FMN2: variants seen among roughly 807,000 people sequenced by gnomAD.
FMN2 encodes formin 2.
In FMN2, 51 loss-of-function variants were observed where a neutral mutation model predicts 142.3. That is an observed-to-expected ratio of 0.36 (90% CI 0.29 to 0.45). The LOEUF (loss-of-function observed/expected upper bound fraction) is 0.45, where lower values mean the gene tolerates loss of function less well. Ranked by LOEUF, FMN2 falls within the 20% of genes least tolerant of loss-of-function variation. The pLI is 1.00. For missense variants in FMN2, 1,936 were observed against 2,122.8 expected, an observed-to-expected ratio of 0.91 and a Z score of 1.73; for synonymous variants, 882 against 869.8, an observed-to-expected ratio of 1.01 and a Z score of -0.25.
chr1:240,386,986 A>G (rs1673427064), intron 14 of FMN2, among the ~76,000 whole-genome samples: 1 of 152,216 alleles, frequency 6.6e-6, no homozygotes. Context: ...GCAGATCTCT[A>G]GCATTTGAGA....
At chr1:240,434,867 T>A (rs1469813914) in intron 15 of FMN2, among the ~76,000 whole-genome samples, 1 of 151,694 alleles carries the variant, frequency 6.6e-6, no homozygotes, top group African/African-American at 2.4e-5. Context: ...TTTTTTTTTT[T>A]AAAGTATTTA....
At chr1:240,216,117 C>T (rs1005173933) in intron 6 of FMN2, among the ~76,000 whole-genome samples, 4 of 152,162 alleles carry the variant, frequency 2.6e-5, no homozygotes, top group Admixed American at 6.5e-5. Context: ...CATAAGCTTC[C>T]GTAAGCAGTA....
chr1:240,300,886 TA>T (rs1670175301), intron 8 of FMN2, among the ~76,000 whole-genome samples: 1 of 144,968 alleles, frequency 6.9e-6, no homozygotes, highest in African/African-American at 2.6e-5. Context: ...TTTTGATACT[TA>T]CTGTGTGCAT....
chr1:240,428,146 GT>G (rs1426445883), intron 15 of FMN2, among the ~76,000 whole-genome samples: 1 of 151,628 alleles, frequency 6.6e-6, no homozygotes, highest in African/African-American at 2.4e-5. Context: ...TTCCTTAAGC[GT>G]TGTAATGAAC....
At chr1:240,328,147 CAAAA>C (rs780595882) in intron 8 of FMN2, among the ~76,000 whole-genome samples, 938 of 51,470 alleles carry the variant, frequency 0.018, 16 homozygotes, top group African/African-American at 0.059. Context: ...GACCCCATCT[CAAAA>C]AAAAAAAAAA....
chr1:240,250,774 A>G (rs1668250479), intron 6 of FMN2, among the ~76,000 whole-genome samples: 1 of 151,972 alleles, frequency 6.6e-6, no homozygotes, highest in Admixed American at 6.6e-5. Flanking sequence ...ACTCATTGTT[A>G]GTCTGTTCAG....
chr1:240,184,578 G>A (rs1313005408), intron 3 of FMN2, among the ~76,000 whole-genome samples: 1 of 150,258 alleles, frequency 6.7e-6, no homozygotes, highest in Non-Finnish European at 1.5e-5. Context: ...GATGGGTGAA[G>A]GAGGTGGCCA....
chr1:240,394,374 G>C (rs1378631125), intron 15 of FMN2, among the ~76,000 whole-genome samples: 1 of 152,154 alleles, frequency 6.6e-6, no homozygotes, highest in Non-Finnish European at 1.5e-5. Flanking sequence ...ATCCAGAGCA[G>C]GGCCCTAACT....
At chr1:240,297,605 A>AG (rs1164403175) in intron 8 of FMN2, among the ~76,000 whole-genome samples, 4 of 151,690 alleles carry the variant, frequency 2.6e-5, no homozygotes, top group Non-Finnish European at 5.9e-5. Flanking sequence ...AAAAAAAAAA[A>AG]AAAAAAAAAA....
At chr1:240,447,503 C>G (rs1183233244) in intron 16 of FMN2, among the ~76,000 whole-genome samples, 1 of 152,170 alleles carries the variant, frequency 6.6e-6, no homozygotes, top group Non-Finnish European at 1.5e-5. Context: ...ATACTTCATA[C>G]TCACTAGGAA....
Position 240,092,366 on chromosome 1 carries a change from A to G in FMN2, c.257A>G (p.Lys86Arg). Residue 86 changes from lysine to arginine, a missense_variant, in exon 1 of 18, where the codon AAG becomes AGG. Physicochemically the swap from Lys to Arg is conservative, Grantham distance 26 (BLOSUM62 2). Around this residue, in one of 8 missense-constraint regions of FMN2, gnomAD observed 751 missense variants for 791.8 expected, o/e 0.95. Transcript: ENST00000319653. ...SNLRIRKNLS[K>R]GKGAGGSRED... is the part of the protein sequence containing the mutation. ...CTGCGGATCAGGAAGAATCTGTCCAAGGGGAAAGGCGCCGGCGGCTCCCGC... is the reference window on the plus strand; with the variant it reads ...CTGCGGATCAGGAAGAATCTGTCCAGGGGGAAAGGCGCCGGCGGCTCCCGC... 1 of 1,609,384 alleles carries G rather than the reference A, an allele frequency of 6.2e-7. No individual in the cohort carries two copies. The highest frequency in any genetic ancestry group is 8.5e-7 in the Non-Finnish European group (1 of 1,176,918).
intron 16 of FMN2, among the ~76,000 whole-genome samples, chr1:240,467,436 T>G (rs1487452064): frequency 6.6e-6 from 1 of 151,842 alleles, no homozygotes; most frequent in Non-Finnish European, 1.5e-5. Context: ...CCTGGCTAAT[T>G]TTTGTATTTT....
In FMN2 at chr1:240,474,000, G is replaced by T; in HGVS notation, c.5143-128G>T. 1.4e-6 allele frequency: 1 copy of T among 730,136 alleles called. No individual in the cohort carries two copies. Among genetic ancestry groups the T allele is most frequent in the East Asian group, 3.2e-5 (1 of 30,794 alleles). The allele number at this position is 730,136 out of a possible 1,614,324, so 45.2% of individuals were successfully genotyped here. On this transcript the variant is annotated intron_variant, in intron 17 of 17. Coordinates refer to ENST00000319653, the MANE Select transcript of FMN2 (RefSeq NM_020066.5). This position sits in a 1 kb window ranked among gnomAD's most constrained non-coding sequence, Gnocchi z 4.3. ...TTATACTTTTTTCCTTTATGGACTG[G>T]TAGACCTTTAACCTTGTCCCACAGA...
At chr1:240,269,222 A>G (rs1668911683) in intron 7 of FMN2, among the ~76,000 whole-genome samples, 1 of 152,052 alleles carries the variant, frequency 6.6e-6, no homozygotes, top group South Asian at 2.1e-4. Flanking sequence ...TCTTTTATGA[A>G]GGATGAAATA....
At chr1:240,222,505 GTTT>G (rs150906512) in intron 6 of FMN2, among the ~76,000 whole-genome samples, 1 of 150,060 alleles carries the variant, frequency 6.7e-6, no homozygotes, top group African/African-American at 2.5e-5. Flanking sequence ...ATTTAAAGTA[GTTT>G]TTTTTTTAAA....
intron 4 of FMN2, among the ~76,000 whole-genome samples, chr1:240,189,275 A>G (rs1381156070): frequency 6.6e-6 from 1 of 152,160 alleles, no homozygotes; most frequent in African/African-American, 2.4e-5. Context: ...ACCAATTTAC[A>G]TTTTCACCCA....
At chr1:240,141,766 G>A (rs968725167) in intron 2 of FMN2, among the ~76,000 whole-genome samples, 2 of 152,156 alleles carry the variant, frequency 1.3e-5, no homozygotes, top group African/African-American at 4.8e-5. Context: ...GAAGGGGACA[G>A]GATAGTTGCT....
chr1:240,301,699 G>A (rs994541363), intron 8 of FMN2, among the ~76,000 whole-genome samples: 2 of 151,522 alleles, frequency 1.3e-5, no homozygotes, highest in African/African-American at 4.8e-5. Context: ...AATTACCTCC[G>A]ATCTACCTTG....
intron 7 of FMN2, among the ~76,000 whole-genome samples, chr1:240,266,040 A>G (rs1226454898): frequency 7.3e-6 from 1 of 137,224 alleles, no homozygotes. Context: ...TTTTTAATAA[A>G]TCAACTATTA....
Sources: gnomAD v4.1 joint callset for allele counts (sites outside exome capture counted in the v4.1 genomes callset) on GRCh38, gnomAD v4.1.1 for gene constraint, gnomAD v4.1.1 regional missense constraint, Gnocchi (gnomAD v3.1) non-coding constraint, MANE v1.5 for transcripts, NCBI Gene and HGNC (gene_info 2026-07-23, HGNC 2026-07-21) for gene names.